SOX18: variants seen among roughly 807,000 people sequenced by gnomAD.
SOX18 encodes the protein transcription factor SOX-18.
In SOX18, 2 loss-of-function variants were observed where a neutral mutation model predicts 9.1. The ratio of observed to expected loss-of-function variants is 0.22; its 90% CI spans 0.09 to 0.69. The LOEUF is 0.69. Among genes scored for constraint, SOX18 ranks in the 30% least tolerant of loss-of-function variants. The pLI, the probability that SOX18 is intolerant of heterozygous loss-of-function variation, is 0.80. For missense variants in SOX18, 542 were observed against 567.3 expected (o/e 0.96, Z 0.45); for synonymous variants, 292 against 280.5 (o/e 1.04, Z -0.41).
rs747439289 is a variant in SOX18 at position 64,048,892 on chromosome 20, C to G, written c.429G>C (p.Val143=). ...PFVEEAERLR[V]QHLRDHPNYK... ...AGTTGGGGTGGTCGCGCAAGTGCTG[C>G]ACGCGCAGCCGTTCGGCTTCCTCCA... Residue 143 remains valine, a synonymous_variant, in exon 2 of 2, where the codon GTG becomes GTC. Transcript: ENST00000340356. The G allele has an allele frequency of 6.3e-7, 1 of 1,595,992 alleles. No individual in the cohort carries two copies.
In SOX18 at chr20:64,047,838, G is replaced by T; in HGVS notation, c.*328C>A. The T allele has an allele frequency of 4.8e-6, 2 of 413,372 alleles. No homozygotes were observed. The highest frequency in any genetic ancestry group is 8.7e-6 in the Non-Finnish European group (2 of 229,552). 25.6% of individuals were successfully genotyped at this position (413,372 alleles called of 1,614,324 possible). On this transcript the variant is annotated 3_prime_UTR_variant, in exon 2 of 2. Transcript: ENST00000340356. Reference sequence around the variant, plus strand: ...ACAATCTGGTTGTAGAAAATACACTGCAAGAAAAGGAGCAGGTGCTTCAAA... The same window carrying T: ...ACAATCTGGTTGTAGAAAATACACTTCAAGAAAAGGAGCAGGTGCTTCAAA...
In SOX18 at chr20:64,049,280, C is replaced by T. The variant is rs1288292087; in HGVS notation, c.237G>A (p.Ala79=). 1 of 1,505,928 alleles carries T rather than the reference C, an allele frequency of 6.6e-7. No individual in the cohort carries two copies. Among genetic ancestry groups the T allele is most frequent in the African/African-American group, 1.5e-5 (1 of 68,552 alleles). 93.3% of individuals were successfully genotyped at this position (1,505,928 alleles called of 1,614,324 possible). Residue 79 remains alanine (A), a synonymous_variant, in exon 1 of 2, where the codon GCG becomes GCA. Transcript: ENST00000340356. ...GCCGCCGGATGCGCGACTCGTCTGCCGCCTGGCGTTCCCCGCGGCCGGCCG... is the reference window on the plus strand; with the variant it reads ...GCCGCCGGATGCGCGACTCGTCTGCTGCCTGGCGTTCCCCGCGGCCGGCCG... The part of the protein sequence containing the change: ...LSPAGRGERQ[A]ADESRIRRPM...
In SOX18 at chr20:64,049,446, G is replaced by T. The variant is rs950658735; in HGVS notation, c.71C>A (p.Pro24Gln). 6.6e-5 allele frequency: 67 copies of T among 1,015,450 alleles called. No homozygotes were observed. The African/African-American group carries it at 1.1e-3, about 17-fold the overall frequency. The allele number at this position is 1,015,450 out of a possible 1,614,324, so 62.9% of individuals were successfully genotyped here. Residue 24 changes from proline to glutamine, a missense_variant, in exon 1 of 2, where the codon CCG becomes CAG. Transcript: ENST00000340356. ...CGTGTCAGCGGCGGCCCCGTGTCCC[G>T]GGGCCCATGCACAGTCGCGGCGGGC... Reference protein sequence around the residue: ...PPARRDCAWAPGHGAAADTRG... With the variant: ...PPARRDCAWAQGHGAAADTRG...
Position 64,048,865 on chromosome 20 carries a change from G to A in SOX18, c.456C>T (p.Tyr152=), listed in dbSNP as rs767195596. The A allele has an allele frequency of 6.9e-6, 11 of 1,592,272 alleles. No individual in the cohort carries two copies. The highest frequency in any genetic ancestry group is 6.7e-5 in the South Asian group (6 of 89,914). Residue 152 remains tyrosine (Y), a synonymous_variant, in exon 2 of 2, where the codon TAC becomes TAT. Coordinates refer to ENST00000340356, the MANE Select transcript of SOX18 (RefSeq NM_018419.3). The part of the protein sequence containing the change: ...RVQHLRDHPN[Y]KYRPRRKKQA... ...GCTTCTTGCGGCGCGGCCGGTACTT[G>A]TAGTTGGGGTGGTCGCGCAAGTGCT...
Position 64,047,925 on chromosome 20 carries a change from GA to G in SOX18, c.*240del. 1 of 573,854 alleles carries G rather than the reference GA, an allele frequency of 1.7e-6. No individual in the cohort carries two copies. 35.5% of individuals were successfully genotyped at this position (573,854 alleles called of 1,614,324 possible). A position where few individuals can be genotyped will look rare whatever the true frequency, so the allele number is the denominator to read the frequency against. On this transcript the variant is annotated 3_prime_UTR_variant, in exon 2 of 2. Coordinates refer to ENST00000340356, the MANE Select transcript of SOX18 (RefSeq NM_018419.3). ...CTCGGGCTTCCTGGAAAAGCCCCGG[GA>G]CACGTGGGAACTCCAGGCACCCTCG... is the stretch of plus-strand genomic sequence containing the variant.
rs1040895582 is a variant in SOX18, at chr20:64,047,886, C to T, written c.*280G>A. On this transcript the variant is annotated 3_prime_UTR_variant, in exon 2 of 2. Transcript: ENST00000340356. ...AAAAATGTAACCCTGGCAACTCTGCCAACAGGTCCTGGGCTCGGGCTTCCT... is the reference window on the plus strand; with the variant it reads ...AAAAATGTAACCCTGGCAACTCTGCTAACAGGTCCTGGGCTCGGGCTTCCT... 4 of 531,850 alleles carry T rather than the reference C, an allele frequency of 7.5e-6. No individual in the cohort carries two copies. Among genetic ancestry groups the T allele is most frequent in the Non-Finnish European group, 1.3e-5 (4 of 299,434 alleles). 32.9% of individuals were successfully genotyped at this position (531,850 alleles called of 1,614,324 possible). A position where few individuals can be genotyped will look rare whatever the true frequency, so the allele number is the denominator to read the frequency against.
At position 64,048,398 on chromosome 20, in the gene SOX18, C is replaced by A. The variant is rs2059406727; in HGVS notation, c.923G>T (p.Ser308Ile). The change falls in exon 2 of 2, where the codon AGC becomes ATC. Residue 308 changes from serine to isoleucine, a missense_variant. By Grantham distance (142) the Ser-to-Ile change is moderately radical. Transcript: ENST00000340356. The part of the protein sequence containing the change: ...SPPPEAPPLE[S>I]AEPLGPAADL... The stretch of plus-strand genomic sequence containing the variant: ...GGCGGCGGGCCCCAGCGGCTCGGCG[C>A]TCTCCAGCGGCGGGGCCTCGGGCGG... The A allele has an allele frequency of 6.5e-7, 1 of 1,536,314 alleles. No homozygotes were observed. Among genetic ancestry groups the A allele is most frequent in the Non-Finnish European group, 8.7e-7 (1 of 1,145,686 alleles).
chr20:64,047,899 G>A lies in SOX18; in HGVS notation c.*267C>T. On this transcript the variant is annotated 3_prime_UTR_variant, in exon 2 of 2. Coordinates refer to ENST00000340356, the MANE Select transcript of SOX18 (RefSeq NM_018419.3). Reference sequence around the variant, plus strand: ...TGGCAACTCTGCCAACAGGTCCTGGGCTCGGGCTTCCTGGAAAAGCCCCGG... The same window carrying A: ...TGGCAACTCTGCCAACAGGTCCTGGACTCGGGCTTCCTGGAAAAGCCCCGG... The A allele has an allele frequency of 1.8e-6, 1 of 562,310 alleles. No individual in the cohort carries two copies. Among genetic ancestry groups the A allele is most frequent in the Non-Finnish European group, 3.2e-6 (1 of 315,494 alleles). The allele number at this position is 562,310 out of a possible 1,614,324, so 34.8% of individuals were successfully genotyped here.
intron 1 of SOX18, 86 bp from the exon 2 acceptor site, chr20:64,049,048 T>G: frequency 6.9e-7 from 1 of 1,443,604 alleles, no homozygotes; most frequent in African/African-American, 1.5e-5. Flanking sequence ...CCCGCGAGGG[T>G]TTGGCGCAGC....
intron 1 of SOX18, 47 bp downstream of exon 1, chr20:64,049,112 G>C (rs767976782): frequency 3.8e-6 from 2 of 524,648 alleles, no homozygotes; most frequent in Non-Finnish European, 5.2e-6. Context: ...CCCGGCCCGA[G>C]CCCCCCCCGC....
chr20:64,049,065 A>ACCC, intron 1 of SOX18, 94 bp downstream of exon 1: 1 of 1,232,114 alleles, frequency 8.1e-7, no homozygotes, highest in Non-Finnish European at 1.0e-6. Flanking sequence ...CAGCCCCCGC[A>ACCC]CCCCGCGGCC....
chr20:64,048,381 GC>G lies in SOX18; in HGVS notation c.939del (p.Ala315ProfsTer51). ...APPLESAEPL[G>X]PAADLWADVD... is the part of the protein sequence containing the mutation. ...ACGTCGGCCCACAGATCGGCGGCGGGCCCCAGCGGCTCGGCGCTCTCCAGCG... is the reference window on the plus strand; with the variant it reads ...ACGTCGGCCCACAGATCGGCGGCGGGCCCAGCGGCTCGGCGCTCTCCAGCG... On this transcript the variant is annotated frameshift_variant, in exon 2 of 2. Coordinates refer to ENST00000340356, the MANE Select transcript of SOX18 (RefSeq NM_018419.3). LOFTEE classifies it high-confidence loss of function. The G allele has an allele frequency of 6.4e-7, 1 of 1,563,688 alleles. No individual in the cohort carries two copies. Among genetic ancestry groups the G allele is most frequent in the East Asian group, 2.4e-5 (1 of 42,062 alleles).
chr20:64,049,059 C>T, intron 1 of SOX18, 97 bp from the exon 2 acceptor site: 1 of 1,357,964 alleles, frequency 7.4e-7, no homozygotes. Flanking sequence ...TTGGCGCAGC[C>T]CCCGCACCCC....
At position 64,048,149 on chromosome 20, in the gene SOX18, C is replaced by A; in HGVS notation, c.*17G>T. On this transcript the variant is annotated 3_prime_UTR_variant, in exon 2 of 2. Transcript: ENST00000340356. ...TGCGGGAGGAAGCGCTGCAGGGACC[C>A]GGGCGGCGCCGGCGGCCTAGCCGGA... 1 of 1,536,700 alleles carries A rather than the reference C, an allele frequency of 6.5e-7. No homozygotes were observed.
rs1375198534 is a variant in SOX18, at chr20:64,048,579, G to A, written c.742C>T (p.Pro248Ser). The change falls in exon 2 of 2, where the codon CCC (proline) becomes TCC (serine). Residue 248 changes from proline to serine, a missense_variant. Physicochemically the swap from Pro to Ser is moderately conservative, Grantham distance 74. Transcript: ENST00000340356. ...CGCGACAACTCGGTGGGCGCGTAGG[G>A]CGCGCGGAAGGGCCGCAGCGCGCAG... ...EDCALRPFRAPYAPTELSRDP... is the reference protein window; with the variant it reads ...EDCALRPFRASYAPTELSRDP... 8 of 1,229,722 alleles carry A rather than the reference G, an allele frequency of 6.5e-6. No individual in the cohort carries two copies. The highest frequency in any genetic ancestry group is 7.1e-6 in the Non-Finnish European group (7 of 988,266). 76.2% of individuals were successfully genotyped at this position (1,229,722 alleles called of 1,614,324 possible). A position where few individuals can be genotyped will look rare whatever the true frequency, so the allele number is the denominator to read the frequency against.
In SOX18 at chr20:64,048,072, CGCGTATGAG is replaced by C. The variant is rs1409909456; in HGVS notation, c.*85_*93del. 2 of 1,204,720 alleles carry C rather than the reference CGCGTATGAG, an allele frequency of 1.7e-6. No individual in the cohort carries two copies. The highest frequency in any genetic ancestry group is 2.4e-6 in the Non-Finnish European group (2 of 848,104). The allele number at this position is 1,204,720 out of a possible 1,614,324, so 74.6% of individuals were successfully genotyped here. On this transcript the variant is annotated 3_prime_UTR_variant, in exon 2 of 2. Coordinates refer to ENST00000340356, the MANE Select transcript of SOX18 (RefSeq NM_018419.3). ...GCTGTGACATGGAACCAAACATACACGCGTATGAGAGAGCAGAGCGGCAGCGACGCGGTC... is the reference window on the plus strand; with the variant it reads ...GCTGTGACATGGAACCAAACATACACAGAGCAGAGCGGCAGCGACGCGGTC...
At position 64,048,654 on chromosome 20, in the gene SOX18, G is replaced by C; in HGVS notation, c.667C>G (p.Leu223Val). ...AAGAAGGCAGCCTCGCCGGGCTCCA[G>C]GCCGTCCAGAGGCGAGCGCTCGGGC... ...PTPERSPLDG[L>V]EPGEAAFFPP... The change falls in exon 2 of 2, where the codon CTG becomes GTG. Residue 223 changes from leucine to valine, a missense_variant. Physicochemically the swap from Leu to Val is conservative, Grantham distance 32. Transcript: ENST00000340356. The C allele has an allele frequency of 7.8e-7, 1 of 1,281,814 alleles. No homozygotes were observed. Among genetic ancestry groups the C allele is most frequent in the Non-Finnish European group, 9.8e-7 (1 of 1,019,496 alleles). 79.4% of individuals were successfully genotyped at this position (1,281,814 alleles called of 1,614,324 possible).
intron 1 of SOX18, 70 bp from the exon 2 acceptor site, chr20:64,049,032 G>A: frequency 6.8e-7 from 1 of 1,480,098 alleles, no homozygotes; most frequent in Non-Finnish European, 8.9e-7. Flanking sequence ...CGTGCGCCCG[G>A]GACGCCCCGC....
In SOX18 at chr20:64,049,422, G is replaced by C; in HGVS notation, c.95C>G (p.Thr32Arg). 1.0e-6 allele frequency: 1 copy of C among 993,206 alleles called. No individual in the cohort carries two copies. Among genetic ancestry groups the C allele is most frequent in the Non-Finnish European group, 1.2e-6 (1 of 836,950 alleles). The allele number at this position is 993,206 out of a possible 1,614,324, so 61.5% of individuals were successfully genotyped here. ...GGCGGGGCCGGCGGCGAGGCCGCGC[G>C]TGTCAGCGGCGGCCCCGTGTCCCGG... ...WAPGHGAAADTRGLAAGPAAL... is the reference protein window; with the variant it reads ...WAPGHGAAADRRGLAAGPAAL... Residue 32 changes from threonine (T) to arginine (R), a missense_variant, in exon 1 of 2, where the codon ACG becomes AGG. By Grantham distance (71) the Thr-to-Arg change is moderately conservative (BLOSUM62 -1). Coordinates refer to ENST00000340356, the MANE Select transcript of SOX18 (RefSeq NM_018419.3).
Sources: allele counts gnomAD v4.1 joint callset, GRCh38; gene constraint gnomAD v4.1.1; transcripts MANE v1.5; gene names NCBI Gene and HGNC (gene_info 2026-07-23, HGNC 2026-07-21).